ZRANB3: variants seen among roughly 807,000 people sequenced by gnomAD.
ZRANB3 encodes zinc finger RANBP2-type containing 3.
ZRANB3 carries 125 observed loss-of-function variants against 133.8 expected under a neutral mutation model. The ratio of observed to expected loss-of-function variants is 0.93; its 90% CI spans 0.81 to 1.08. The LOEUF (loss-of-function observed/expected upper bound fraction) is 1.08, where lower values mean the gene tolerates loss of function less well. Ranked by LOEUF, ZRANB3 falls within the 50% of genes least tolerant of loss-of-function variation. ZRANB3 has a pLI of 0.00. For missense variants in ZRANB3, 1,229 were observed against 1,275.5 expected (o/e 0.96, Z 0.56); for synonymous variants, 387 against 432.7 (o/e 0.89, Z 1.31).
In ZRANB3 at chr2:135,207,643, G is replaced by A. The variant is rs202133794; in HGVS notation, c.2800C>T (p.Arg934Trp). The A allele has an allele frequency of 2.4e-5, 39 of 1,613,944 alleles. No homozygotes were observed. In the East Asian group the frequency reaches 4.5e-4, roughly 18 times the overall value. ...TCCTGACATTTCAGAGAGCAAAACC[G>A]TGAATCCCAAGAGTTCGCTTTACAT... ...QACKANSWDS[R>W]FCSLKCQEEF... The change falls in exon 19 of 21, where the codon CGG (arginine) becomes TGG (tryptophan). Residue 934 changes from arginine to tryptophan, a missense_variant. Physicochemically the swap from Arg to Trp is moderately radical, Grantham distance 101 (BLOSUM62 -3). Transcript: ENST00000264159.
intron 9 of ZRANB3, among the ~76,000 whole-genome samples, chr2:135,273,560 A>C (rs35679365): frequency 1.3e-5 from 2 of 151,724 alleles, no homozygotes; most frequent in Non-Finnish European, 2.9e-5. Context: ...TTTGAGACGA[A>C]GTTTTGCTCT....
At chr2:135,343,010 C>CAAAAAAAAAAAAAAAAAAA (rs11435525) in intron 6 of ZRANB3, among the ~76,000 whole-genome samples, 1 of 55,232 alleles carries the variant, frequency 1.8e-5, no homozygotes, top group Non-Finnish European at 3.1e-5. Flanking sequence ...ACTAAAAATC[C>CAAAAAAAAAAAAAAAAAAA]AAAAAAAAAA....
chr2:135,479,119 T>C (rs755021281), intron 2 of ZRANB3, among the ~76,000 whole-genome samples: 5 of 152,052 alleles, frequency 3.3e-5, no homozygotes, highest in Non-Finnish European at 7.4e-5. Flanking sequence ...TTTTTTTTTT[T>C]TAATGCAGTC....
intron 2 of ZRANB3, among the ~76,000 whole-genome samples, chr2:135,450,017 C>T (rs558298400): frequency 5.3e-5 from 8 of 152,302 alleles, no homozygotes; most frequent in African/African-American, 1.9e-4. Flanking sequence ...GCTGGGATTG[C>T]AGGCATTAGC....
At chr2:135,202,243 A>C (rs924078109) in intron 20 of ZRANB3, among the ~76,000 whole-genome samples, 3 of 152,178 alleles carry the variant, frequency 2.0e-5, no homozygotes, top group Non-Finnish European at 4.4e-5. Flanking sequence ...TTGCATATTG[A>C]ATATTTCTAT....
At chr2:135,400,352 T>G (rs1363831064) in intron 2 of ZRANB3, among the ~76,000 whole-genome samples, 2 of 150,828 alleles carry the variant, frequency 1.3e-5, no homozygotes, top group African/African-American at 4.8e-5. Flanking sequence ...TTGTCTAGTC[T>G]TTTTTTTTCT....
chr2:135,425,130 A>C (rs1689013244), intron 2 of ZRANB3, among the ~76,000 whole-genome samples: 1 of 152,242 alleles, frequency 6.6e-6, no homozygotes, highest in Admixed American at 6.5e-5. Flanking sequence ...TGTTAGAGTG[A>C]AATAAAAACA....
chr2:135,523,191 T>C (rs939649831), intron 1 of ZRANB3, among the ~76,000 whole-genome samples: 1 of 152,164 alleles, frequency 6.6e-6, no homozygotes. Context: ...TTTCTCCCTT[T>C]CCCTAAACCA....
intron 6 of ZRANB3, among the ~76,000 whole-genome samples, chr2:135,343,767 A>G (rs943660160): frequency 2.0e-5 from 3 of 150,228 alleles, no homozygotes; most frequent in Non-Finnish European, 4.4e-5. Flanking sequence ...CAAATTACTC[A>G]TATGTGTGAA....
At chr2:135,511,431 C>T in intron 1 of ZRANB3, 1 of 818,280 alleles carries the variant, frequency 1.2e-6, no homozygotes, top group Non-Finnish European at 2.2e-6. Flanking sequence ...ACAGAAAGTT[C>T]CAGAATCATC....
At chr2:135,353,744 T>TA (rs1368551892) in intron 3 of ZRANB3, 116 bp from the exon 4 acceptor site, 2 of 675,996 alleles carry the variant, frequency 3.0e-6, no homozygotes, top group Non-Finnish European at 4.2e-6. Context: ...CTCATGACTG[T>TA]AATCCCAGCA....
Position 135,521,414 on chromosome 2 carries a change from G to A in ZRANB3, c.-8+9713C>T, listed in dbSNP as rs536302183. On this transcript the variant is annotated intron_variant, in intron 1 of 20. Coordinates refer to ENST00000264159, the MANE Select transcript of ZRANB3 (RefSeq NM_032143.4). Reference sequence around the variant, plus strand: ...GTACAAAAATTAGCCGGGCATGGTGGCAAGCTACTTGGGAGGCTGACAGAG... The same window carrying A: ...GTACAAAAATTAGCCGGGCATGGTGACAAGCTACTTGGGAGGCTGACAGAG... Among the ~76,000 whole-genome samples, 27 of 152,264 alleles carry A rather than the reference G, an allele frequency of 1.8e-4. No homozygotes were observed. In the South Asian group the frequency reaches 1.9e-3, roughly 11 times the overall value.
At chr2:135,385,589 A>T (rs149807681) in intron 3 of ZRANB3, among the ~76,000 whole-genome samples, 2 of 152,266 alleles carry the variant, frequency 1.3e-5, no homozygotes, top group Non-Finnish European at 2.9e-5. Context: ...TTCAAACTAT[A>T]CTATAAGGCT....
At chr2:135,451,230 A>G (rs747774214) in intron 2 of ZRANB3, among the ~76,000 whole-genome samples, 1 of 152,184 alleles carries the variant, frequency 6.6e-6, no homozygotes, top group Non-Finnish European at 1.5e-5. Context: ...AAAATTTCCA[A>G]CACTAACATG....
intron 2 of ZRANB3, among the ~76,000 whole-genome samples, chr2:135,412,274 T>C (rs1329999528): frequency 6.6e-6 from 1 of 152,170 alleles, no homozygotes; most frequent in Non-Finnish European, 1.5e-5. Flanking sequence ...AGCTGATTAG[T>C]AGACAAAATG....
At chr2:135,502,503 A>T (rs1294342059) in intron 2 of ZRANB3, among the ~76,000 whole-genome samples, 2 of 152,198 alleles carry the variant, frequency 1.3e-5, no homozygotes, top group Non-Finnish European at 2.9e-5. Flanking sequence ...TAGGATTATA[A>T]AATCCATTTC....
chr2:135,424,579 A>G (rs1028002528), intron 2 of ZRANB3, among the ~76,000 whole-genome samples: 1 of 152,106 alleles, frequency 6.6e-6, no homozygotes, highest in Non-Finnish European at 1.5e-5. Context: ...CTAAAAATAC[A>G]AAAATTAGCC....
At chr2:135,433,404 C>G (rs1011072835) in intron 2 of ZRANB3, among the ~76,000 whole-genome samples, 18 of 151,868 alleles carry the variant, frequency 1.2e-4, no homozygotes, top group African/African-American at 4.4e-4. Flanking sequence ...CAAAACAAAA[C>G]AAAAAACAGC....
intron 2 of ZRANB3, among the ~76,000 whole-genome samples, chr2:135,447,879 T>G (rs1690093524): frequency 6.6e-6 from 1 of 152,182 alleles, no homozygotes; most frequent in East Asian, 1.9e-4. Flanking sequence ...GAAATGACAG[T>G]GGTTACTTAT....
Sources: allele counts gnomAD v4.1 joint callset (sites outside exome capture counted in the v4.1 genomes callset), GRCh38; gene constraint gnomAD v4.1.1; transcripts MANE v1.5; gene names NCBI Gene and HGNC (gene_info 2026-07-23, HGNC 2026-07-21).